Variants in IBA57 observed in about 807,000 individuals in gnomAD.
IBA57 encodes the protein iron-sulfur cluster assembly factor IBA57.
IBA57 carries 20 observed loss-of-function variants against 20.4 expected under a neutral mutation model. The observed-to-expected ratio is 0.98, with a 90% CI of 0.69 to 1.42. The LOEUF (loss-of-function observed/expected upper bound fraction) is 1.42. IBA57 is among the 40% of genes most tolerant of loss of function. The probability of loss-of-function intolerance (pLI) is 0.00; values close to 1 mark genes in which losing one functional copy is unlikely to be tolerated. For synonymous variants in IBA57, 310 were observed against 233.9 expected (o/e 1.33, Z -2.97); for missense variants, 608 against 499.3 (o/e 1.22, Z -2.07).
chr1:228,175,473 C>T lies in IBA57; in HGVS notation c.1031C>T (p.Ala344Val), dbSNP rs752003875. ...RASEGAQVAL[A>V]ASVPDWWPTV... is the part of the protein sequence containing the mutation. ...TCTGAGGGTGCCCAGGTGGCCTTAG[C>T]CGCATCTGTGCCAGACTGGTGGCCT... Residue 344 changes from alanine to valine, a missense_variant, in exon 3 of 3, where the codon GCC (alanine) becomes GTC (valine). Ala to Val is a moderately conservative substitution (Grantham distance 64, BLOSUM62 0). Coordinates refer to ENST00000366711, the MANE Select transcript of IBA57 (RefSeq NM_001010867.4). 2.1e-5 allele frequency: 33 copies of T among 1,597,392 alleles called. No individual in the cohort carries two copies. In the South Asian group the frequency reaches 3.1e-4, roughly 15 times the overall value.
intron 1 of IBA57, among the ~76,000 whole-genome samples, chr1:228,167,455 C>A (rs1215979823): frequency 6.6e-6 from 1 of 150,392 alleles, no homozygotes; most frequent in Non-Finnish European, 1.5e-5. Context: ...CTCCAGGGTT[C>A]AAGAGATTCT....
At chr1:228,168,074 T>A (rs2034876076) in intron 1 of IBA57, among the ~76,000 whole-genome samples, 1 of 152,204 alleles carries the variant, frequency 6.6e-6, no homozygotes, top group Non-Finnish European at 1.5e-5. Context: ...TTGCACTACA[T>A]AGGTCACTTA....
intron 1 of IBA57, among the ~76,000 whole-genome samples, chr1:228,169,541 A>AT (rs1363251184): frequency 6.6e-6 from 1 of 152,160 alleles, no homozygotes; most frequent in East Asian, 1.9e-4. Context: ...ACCTCTGTTG[A>AT]CATGCCATCA....
chr1:228,169,542 C>T (rs2034897138), intron 1 of IBA57, among the ~76,000 whole-genome samples: 1 of 152,190 alleles, frequency 6.6e-6, no homozygotes, highest in Admixed American at 6.5e-5. Context: ...CCTCTGTTGA[C>T]ATGCCATCAT....
rs2034902757 is a variant in IBA57, at chr1:228,170,120, C to T, written c.341+3963C>T. ...TACTGACCTCATGATCCGCCCGCCT[C>T]GGCCTCCCAAAGTGCTGGGATTACA... On this transcript the variant is annotated intron_variant, in intron 1 of 2. Transcript: ENST00000366711. This position sits in a 1 kb window ranked among gnomAD's most constrained non-coding sequence, Gnocchi z 4.8. Among the ~76,000 whole-genome samples the T allele has an allele frequency of 6.6e-6, 1 of 152,312 alleles. No individual in the cohort carries two copies. Among genetic ancestry groups the T allele is most frequent in the Middle Eastern group, 3.4e-3 (1 of 294 alleles).
chr1:228,173,408 C>CCCT (rs1163888869), intron 1 of IBA57: 1 of 137,668 alleles, frequency 7.3e-6, no homozygotes, highest in African/African-American at 2.6e-5. Context: ...TGCCCCCCCC[C>CCCT]CCGACATGCC....
At chr1:228,171,434 C>T (rs1232962722) in intron 1 of IBA57, 1 of 152,304 alleles carries the variant, frequency 6.6e-6, no homozygotes, top group African/African-American at 2.4e-5. Flanking sequence ...GTCACCGGCA[C>T]AGAGAGCTGG....
rs569075955 is a variant in IBA57, at chr1:228,175,303, C to T, written c.861C>T (p.Pro287=). The T allele has an allele frequency of 1.9e-6, 3 of 1,612,794 alleles. No individual in the cohort carries two copies. Among genetic ancestry groups the T allele is most frequent in the South Asian group, 1.1e-5 (1 of 91,082 alleles). The change falls in exon 3 of 3, where the codon CCC becomes CCT. Residue 287 remains proline, a synonymous_variant. Transcript: ENST00000366711. The part of the protein sequence containing the change: ...KRLFPVRFLD[P]LPTSGITPGA... ...TCTTCCCTGTCCGGTTCTTGGACCC[C>T]CTTCCCACCAGTGGCATCACCCCTG...
At chr1:228,172,035 A>C (rs557618049) in intron 1 of IBA57, 350 of 151,130 alleles carry the variant, frequency 2.3e-3, no homozygotes, top group African/African-American at 8.1e-3. Flanking sequence ...TTCCTCTTGT[A>C]GTGCTCGGAC....
chr1:228,174,687 T>G lies in IBA57; in HGVS notation c.342-5T>G. ...TGCCATGCGCCCCTGCCTCTCTCCC[T>G]GCAGGCTCCAGGAACACTCGGAGGT... On this transcript the variant is annotated splice_polypyrimidine_tract_variant and splice_region_variant and intron_variant, in intron 1 of 2. Transcript: ENST00000366711. The G allele has an allele frequency of 6.5e-7, 1 of 1,542,420 alleles. No homozygotes were observed. The highest frequency in any genetic ancestry group is 8.7e-7 in the Non-Finnish European group (1 of 1,146,168).
intron 1 of IBA57, among the ~76,000 whole-genome samples, chr1:228,169,475 C>G (rs1055043368): frequency 6.6e-6 from 1 of 152,158 alleles, no homozygotes; most frequent in Non-Finnish European, 1.5e-5. Context: ...GCAGAGATTT[C>G]CCATATTACC....
At position 228,176,335 on chromosome 1, in the gene IBA57, T is replaced by C. The variant is rs2035019754; in HGVS notation, c.*822T>C. 2 of 152,286 alleles carry C rather than the reference T, an allele frequency of 1.3e-5. No homozygotes were observed. The highest frequency in any genetic ancestry group is 4.8e-5 in the African/African-American group (2 of 41,450). 9.4% of individuals were successfully genotyped at this position (152,286 alleles called of 1,614,324 possible). On this transcript the variant is annotated 3_prime_UTR_variant, in exon 3 of 3. Coordinates refer to ENST00000366711, the MANE Select transcript of IBA57 (RefSeq NM_001010867.4). ...ACTGGCTTCCCCCTTCCCACTGAAG[T>C]GTGAGCTCTATGTTTCAGGGCATCT...
chr1:228,174,148 T>C lies in IBA57; in HGVS notation c.342-544T>C, dbSNP rs1336015339. Among the ~76,000 whole-genome samples, 11 of 141,672 alleles carry C rather than the reference T, an allele frequency of 7.8e-5. 1 individual carries two copies. In the East Asian group the frequency reaches 1.6e-3, roughly 20 times the overall value. 92.9% of individuals were successfully genotyped at this position (141,672 alleles called of 152,430 possible). On this transcript the variant is annotated intron_variant, in intron 1 of 2. Coordinates refer to ENST00000366711, the MANE Select transcript of IBA57 (RefSeq NM_001010867.4). The stretch of plus-strand genomic sequence containing the variant: ...GGCTCGCTGTGGGCGTGGCTCGCTG[T>C]GGGCGTGGCTCGCTGTGGGCGTGGC...
In IBA57 at chr1:228,174,983, C is replaced by T. The variant is rs765569265; in HGVS notation, c.633C>T (p.Gly211=). 5.2e-6 allele frequency: 8 copies of T among 1,550,424 alleles called. No individual in the cohort carries two copies. The East Asian group carries it at 1.4e-4, about 26-fold the overall frequency. Residue 211 remains glycine (G), a synonymous_variant, in exon 2 of 3, where the codon GGC becomes GGT. Coordinates refer to ENST00000366711, the MANE Select transcript of IBA57 (RefSeq NM_001010867.4). ...QDEGPALVPG[G]RLGDLWDYHQ... is the part of the protein sequence containing the mutation. ...AAGGCCCAGCCCTGGTGCCCGGGGG[C>T]CGGCTCGGGGACTTGTGGGATTATC...
rs561561982 is a variant in IBA57, at chr1:228,170,568, C to T, written c.342-4124C>T. On this transcript the variant is annotated intron_variant, in intron 1 of 2. Coordinates refer to ENST00000366711, the MANE Select transcript of IBA57 (RefSeq NM_001010867.4). The surrounding 1 kb of genome is among the most constrained non-coding windows in gnomAD (Gnocchi z 4.8). ...TCAGCTTCACAAAGTGTTGGGATTG[C>T]GGGCATGAGCCACCATGCCTGGCCT... Among the ~76,000 whole-genome samples the T allele has an allele frequency of 1.8e-4, 27 of 152,322 alleles. No individual in the cohort carries two copies. Among genetic ancestry groups the T allele is most frequent in the East Asian group, 5.8e-4 (3 of 5,180 alleles).
chr1:228,175,324 C>T lies in IBA57; in HGVS notation c.882C>T (p.Thr294=), dbSNP rs1381369102. ...ACCCCCTTCCCACCAGTGGCATCAC[C>T]CCTGGTGCCACGGTGCTGACTGCCT... ...FLDPLPTSGI[T]PGATVLTASG... Residue 294 remains threonine, a synonymous_variant, in exon 3 of 3, where the codon ACC becomes ACT. Transcript: ENST00000366711. The T allele has an allele frequency of 1.9e-6, 3 of 1,612,964 alleles. No individual in the cohort carries two copies. The East Asian group carries it at 6.7e-5, about 36-fold the overall frequency.
At chr1:228,168,632 G>A (rs2034884853) in intron 1 of IBA57, among the ~76,000 whole-genome samples, 1 of 152,082 alleles carries the variant, frequency 6.6e-6, no homozygotes, top group South Asian at 2.1e-4. Flanking sequence ...CTCTGTCCTC[G>A]AGGTCTGCAG....
At chr1:228,174,038 C>T (rs12732065) in intron 1 of IBA57, among the ~76,000 whole-genome samples, 2 of 151,888 alleles carry the variant, frequency 1.3e-5, no homozygotes, top group South Asian at 2.1e-4. Flanking sequence ...GCTGTGGGCG[C>T]GGCACTCTGC....
At position 228,167,497 on chromosome 1, in the gene IBA57, C is replaced by G. The variant is rs765104664; in HGVS notation, c.341+1340C>G. On this transcript the variant is annotated intron_variant, in intron 1 of 2. Coordinates refer to ENST00000366711, the MANE Select transcript of IBA57 (RefSeq NM_001010867.4). ...TCAGCCTCCCAAATAGCTGGGACTA[C>G]AGGTGCCTGCCACCATGCCCGGCTA... Among the ~76,000 whole-genome samples, 65 of 152,114 alleles carry G rather than the reference C, an allele frequency of 4.3e-4. 1 individual carries two copies. Among genetic ancestry groups the G allele is most frequent in the Non-Finnish European group, 1.6e-4 (11 of 68,030 alleles).
Sources: allele counts gnomAD v4.1 joint callset (sites outside exome capture counted in the v4.1 genomes callset), GRCh38; gene constraint gnomAD v4.1.1; non-coding constraint Gnocchi (gnomAD v3.1); transcripts MANE v1.5; gene names NCBI Gene and HGNC (gene_info 2026-07-23, HGNC 2026-07-21).